Variants in LRBA observed in about 807,000 individuals in gnomAD.
The protein encoded by LRBA is LPS responsive beige-like anchor protein, also known as lipopolysaccharide-responsive and beige-like anchor protein.
A neutral mutation model predicts 330.0 loss-of-function variants in LRBA; 176 were observed. The ratio of observed to expected loss-of-function variants is 0.53; its 90% CI spans 0.47 to 0.60. The LOEUF (loss-of-function observed/expected upper bound fraction) is 0.60, where lower values mean the gene tolerates loss of function less well. Among genes scored for constraint, LRBA ranks in the 20% least tolerant of loss-of-function variants. The pLI is 0.00. For missense variants in LRBA, 3,259 were observed against 3,444.8 expected (o/e 0.95, Z 1.35); for synonymous variants, 1,230 against 1,193.0 (o/e 1.03, Z -0.64).
chr4:150,792,948 C>T (rs1740196812), intron 34 of LRBA, among the ~76,000 whole-genome samples: 1 of 152,034 alleles, frequency 6.6e-6, no homozygotes, highest in Non-Finnish European at 1.5e-5. Context: ...GGCATGGTGG[C>T]AGGCATCTGT....
chr4:150,279,924 T>C (rs6535727), intron 55 of LRBA, among the ~76,000 whole-genome samples: 94,499 of 152,052 alleles, frequency 0.62, 30,057 homozygotes, highest in South Asian at 0.82. Flanking sequence ...TTGTAGTTCA[T>C]TTGAATTTGA....
intron 2 of LRBA, among the ~76,000 whole-genome samples, chr4:150,968,936 C>T (rs1198026834): frequency 1.3e-5 from 2 of 152,126 alleles, no homozygotes; most frequent in Non-Finnish European, 2.9e-5. Flanking sequence ...TTCTGAAAAT[C>T]GTAAGATCCT....
chr4:150,675,058 GA>G (rs981704947), intron 37 of LRBA, among the ~76,000 whole-genome samples: 9 of 148,594 alleles, frequency 6.1e-5, no homozygotes, highest in South Asian at 2.1e-4. Context: ...TGCCCAGAAA[GA>G]AAAAAAAAAT....
chr4:150,617,256 G>A (rs547172073), intron 37 of LRBA, among the ~76,000 whole-genome samples: 21 of 152,298 alleles, frequency 1.4e-4, no homozygotes, highest in African/African-American at 4.6e-4. Flanking sequence ...AAACAAATAT[G>A]ATTTAACGAT....
At chr4:150,482,358 T>C (rs1757386405) in intron 42 of LRBA, among the ~76,000 whole-genome samples, 1 of 152,128 alleles carries the variant, frequency 6.6e-6, no homozygotes, top group Non-Finnish European at 1.5e-5. Flanking sequence ...TTGTTGCATG[T>C]ATTAGTGCTT....
intron 40 of LRBA, among the ~76,000 whole-genome samples, chr4:150,518,484 A>G (rs933611980): frequency 2.0e-5 from 3 of 152,222 alleles, no homozygotes; most frequent in Admixed American, 6.5e-5. Context: ...ATGTAGGATG[A>G]AAGTCAACTT....
At chr4:150,751,076 A>C (rs571624933) in intron 35 of LRBA, among the ~76,000 whole-genome samples, 1 of 152,266 alleles carries the variant, frequency 6.6e-6, no homozygotes, top group Non-Finnish European at 1.5e-5. Context: ...ATCTAAATTT[A>C]TCTAAGCAAT....
At chr4:150,564,255 T>G (rs1361002883) in intron 40 of LRBA, among the ~76,000 whole-genome samples, 1 of 152,154 alleles carries the variant, frequency 6.6e-6, no homozygotes, top group African/African-American at 2.4e-5. Context: ...CATCTCATCT[T>G]TGACAAACCT....
intron 48 of LRBA, among the ~76,000 whole-genome samples, chr4:150,344,787 G>A (rs959936621): frequency 6.6e-6 from 1 of 152,166 alleles, no homozygotes; most frequent in East Asian, 1.9e-4. Flanking sequence ...CCAGCCTGAA[G>A]CCATTCTCTT....
intron 46 of LRBA, among the ~76,000 whole-genome samples, chr4:150,434,368 C>G (rs550981551): frequency 1.3e-5 from 2 of 152,102 alleles, no homozygotes; most frequent in Non-Finnish European, 2.9e-5. Flanking sequence ...ATCTTTCATG[C>G]ATATAGATAG....
At chr4:150,447,801 A>G (rs992852459) in intron 44 of LRBA, among the ~76,000 whole-genome samples, 2 of 152,214 alleles carry the variant, frequency 1.3e-5, no homozygotes, top group Non-Finnish European at 2.9e-5. Context: ...ATAGAATACA[A>G]AGTTTTATAA....
intron 34 of LRBA, among the ~76,000 whole-genome samples, chr4:150,777,066 T>TG (rs1553959731): frequency 7.4e-6 from 1 of 134,306 alleles, no homozygotes; most frequent in African/African-American, 3.7e-5. Flanking sequence ...TTTGAGGGGT[T>TG]TTGTTGTTGT....
intron 31 of LRBA, among the ~76,000 whole-genome samples, chr4:150,811,965 A>G (rs958614651): frequency 1.2e-4 from 18 of 152,236 alleles, no homozygotes; most frequent in Non-Finnish European, 2.9e-5. Context: ...AATATAGCAG[A>G]AAGAGATTTT....
intron 40 of LRBA, among the ~76,000 whole-genome samples, chr4:150,492,175 G>A (rs1451595863): frequency 8.6e-4 from 117 of 135,382 alleles, no homozygotes; most frequent in Middle Eastern, 3.6e-3. Flanking sequence ...TAGTTTTTTT[G>A]AAAAAAAAAA....
At chr4:150,417,281 T>A (rs1446203663) in intron 46 of LRBA, among the ~76,000 whole-genome samples, 1 of 152,154 alleles carries the variant, frequency 6.6e-6, no homozygotes, top group Non-Finnish European at 1.5e-5. Context: ...TTTTGTAATG[T>A]GATTTATCCC....
At chr4:150,534,627 AC>A (rs1764445344) in intron 40 of LRBA, among the ~76,000 whole-genome samples, 1 of 152,108 alleles carries the variant, frequency 6.6e-6, no homozygotes, top group Non-Finnish European at 1.5e-5. Flanking sequence ...CTTTTTTCCT[AC>A]AAAAAGCTGT....
intron 37 of LRBA, among the ~76,000 whole-genome samples, chr4:150,661,138 G>A (rs1171630154): frequency 6.9e-6 from 1 of 145,166 alleles, no homozygotes; most frequent in Non-Finnish European, 1.5e-5. Flanking sequence ...CCCTGAACCT[G>A]ATACAGTACT....
chr4:150,637,495 T>C (rs554929244), intron 37 of LRBA, among the ~76,000 whole-genome samples: 1 of 152,298 alleles, frequency 6.6e-6, no homozygotes, highest in East Asian at 1.9e-4. Context: ...AATTTGCTTC[T>C]AACCAATGAA....
chr4:150,854,816 T>C (rs78091377), intron 22 of LRBA, among the ~76,000 whole-genome samples: 1 of 152,168 alleles, frequency 6.6e-6, no homozygotes, highest in East Asian at 1.9e-4. Context: ...AGCAATAAAC[T>C]GAGAACTAAA....
Sources: gnomAD v4.1 joint callset for allele counts (sites outside exome capture counted in the v4.1 genomes callset) on GRCh38, gnomAD v4.1.1 for gene constraint, MANE v1.5 for transcripts, NCBI Gene and HGNC (gene_info 2026-07-23, HGNC 2026-07-21) for gene names.